The following DDA1 variants were observed in gnomAD, a reference collection of about 807,000 sequenced individuals.
DDA1 encodes the protein DET1- and DDB1-associated protein 1.
Under a neutral mutation model 18.6 loss-of-function variants are expected in DDA1, and 3 were observed. The observed-to-expected ratio is 0.16, with a 90% CI of 0.07 to 0.42. The LOEUF (loss-of-function observed/expected upper bound fraction) is 0.42, where lower values mean the gene tolerates loss of function less well. DDA1 is among the 10% of genes least tolerant of loss of function. The probability of loss-of-function intolerance (pLI) is 0.99; values close to 1 mark genes in which losing one functional copy is unlikely to be tolerated. For synonymous variants in DDA1, 52 were observed against 54.0 expected (o/e 0.96, Z 0.17); for missense variants, 105 against 138.2 (o/e 0.76, Z 1.20).
At chr19:17,309,747 C>CT (rs2074169727) in intron 1 of DDA1, 90 bp downstream of exon 1, 4 of 1,513,454 alleles carry the variant, frequency 2.6e-6, no homozygotes, top group Non-Finnish European at 3.6e-6. Flanking sequence ...CTAGGCCCCT[C>CT]TCCGTTCTGC....
At chr19:17,310,747 T>C (rs2145671185) in intron 1 of DDA1, among the ~76,000 whole-genome samples, 1 of 152,140 alleles carries the variant, frequency 6.6e-6, no homozygotes, top group Non-Finnish European at 1.5e-5. Context: ...CCTTGATACC[T>C]TGGTACAGTC....
chr19:17,311,966 C>T (rs900064394), intron 1 of DDA1, among the ~76,000 whole-genome samples: 3 of 152,120 alleles, frequency 2.0e-5, no homozygotes, highest in South Asian at 2.1e-4. Flanking sequence ...GAAGGCTGCA[C>T]GTACCCTGCC....
intron 1 of DDA1, among the ~76,000 whole-genome samples, chr19:17,313,467 G>C (rs917646099): frequency 5.4e-5 from 7 of 130,762 alleles, no homozygotes; most frequent in Admixed American, 2.6e-4. Flanking sequence ...TTTTGAGACA[G>C]AGTCTGGTTC....
intron 4 of DDA1, 92 bp downstream of exon 4, chr19:17,316,087 A>G: frequency 6.9e-7 from 1 of 1,441,662 alleles, no homozygotes. Context: ...GACTCTAGTG[A>G]TTGGAGCAGG....
chr19:17,317,094 G>A (rs551134545), intron 4 of DDA1, among the ~76,000 whole-genome samples: 22 of 151,608 alleles, frequency 1.5e-4, no homozygotes, highest in African/African-American at 4.4e-4. Context: ...GCATGGTGGC[G>A]CACGCCTGTA....
chr19:17,313,781 C>T (rs1451764899), intron 1 of DDA1, among the ~76,000 whole-genome samples: 1 of 152,116 alleles, frequency 6.6e-6, no homozygotes, highest in African/African-American at 2.4e-5. Flanking sequence ...CTCAATTTCC[C>T]CACCTCTCAC....
intron 4 of DDA1, among the ~76,000 whole-genome samples, chr19:17,317,680 A>C (rs1255861619): frequency 4.6e-5 from 7 of 151,402 alleles, no homozygotes; most frequent in South Asian, 4.2e-4. Context: ...AAAAAAAAAA[A>C]AAAAAAAACA....
chr19:17,318,207 C>T (rs1350527613), intron 4 of DDA1, among the ~76,000 whole-genome samples: 3 of 151,740 alleles, frequency 2.0e-5, no homozygotes, highest in Non-Finnish European at 4.4e-5. Flanking sequence ...CACGCGCCAC[C>T]ATGCCCAGCT....
intron 3 of DDA1, among the ~76,000 whole-genome samples, chr19:17,315,338 T>C (rs1173502995): frequency 1.1e-5 from 1 of 94,456 alleles, no homozygotes; most frequent in East Asian, 2.3e-4. Context: ...TACACACGTA[T>C]ATATATACAC....
At chr19:17,310,689 A>C (rs1390425727) in intron 1 of DDA1, among the ~76,000 whole-genome samples, 5 of 152,142 alleles carry the variant, frequency 3.3e-5, no homozygotes, top group Admixed American at 6.5e-5. Flanking sequence ...CAGGAAGGAA[A>C]TGGGAAGGTG....
At chr19:17,315,792 A>G in intron 3 of DDA1, 142 bp from the exon 4 acceptor site, 1 of 810,222 alleles carries the variant, frequency 1.2e-6, no homozygotes, top group Non-Finnish European at 2.1e-6. Flanking sequence ...GAGTGTGCTC[A>G]GAAGCAAAAA....
In DDA1 at chr19:17,311,296, G is replaced by C. The variant is rs562115590; in HGVS notation, c.3+1639G>C. Among the ~76,000 whole-genome samples the C allele has an allele frequency of 1.4e-4, 22 of 152,044 alleles. No homozygotes were observed. The East Asian group carries it at 4.3e-3, about 29-fold the overall frequency. On this transcript the variant is annotated intron_variant, in intron 1 of 4. Transcript: ENST00000359866. ...TTCTCCTGCCTCAGCCTCCCAAGTA[G>C]GTGGGACCCACCACCATGCCCGGCT...
chr19:17,316,351 G>T (rs1463269913), intron 4 of DDA1, among the ~76,000 whole-genome samples: 2 of 152,222 alleles, frequency 1.3e-5, no homozygotes, highest in African/African-American at 4.8e-5. Flanking sequence ...GGAGGCTGAG[G>T]CGGGCGGATC....
intron 4 of DDA1, among the ~76,000 whole-genome samples, chr19:17,316,248 C>T (rs1174326330): frequency 1.3e-5 from 2 of 152,202 alleles, no homozygotes; most frequent in Non-Finnish European, 2.9e-5. Context: ...TTTTCCATGG[C>T]TCTGGCATTA....
Position 17,322,036 on chromosome 19 carries a change from C to T in DDA1, c.*2380C>T, listed in dbSNP as rs1240164395. On this transcript the variant is annotated 3_prime_UTR_variant, in exon 5 of 5. Transcript: ENST00000359866. Reference sequence around the variant, plus strand: ...TCTGTGAATGACTGAGATGGTGGGACTTCAGCTTCCAAGGCCAGGGGCCAG... The same window carrying T: ...TCTGTGAATGACTGAGATGGTGGGATTTCAGCTTCCAAGGCCAGGGGCCAG... 1 of 152,722 alleles carries T rather than the reference C, an allele frequency of 6.5e-6. No individual in the cohort carries two copies. The highest frequency in any genetic ancestry group is 1.5e-5 in the Non-Finnish European group (1 of 68,448). The allele number at this position is 152,722 out of a possible 1,614,324, so 9.5% of individuals were successfully genotyped here.
At chr19:17,311,241 C>A (rs1256751354) in intron 1 of DDA1, among the ~76,000 whole-genome samples, 1 of 151,728 alleles carries the variant, frequency 6.6e-6, no homozygotes, top group African/African-American at 2.4e-5. Context: ...TCTCGGCTCA[C>A]TGGAACCTCC....
rs1467445002 is a variant in DDA1, at chr19:17,322,489, G to A, written c.*2833G>A. The A allele has an allele frequency of 6.5e-6, 1 of 152,682 alleles. No homozygotes were observed. Among genetic ancestry groups the A allele is most frequent in the Non-Finnish European group, 1.5e-5 (1 of 68,428 alleles). 9.5% of individuals were successfully genotyped at this position (152,682 alleles called of 1,614,324 possible). The stretch of plus-strand genomic sequence containing the variant: ...TGTTCTCCTGCCTCCAGTGAACTCT[G>A]ACTTCTCCACAGCCTCCCAAAGGGC... On this transcript the variant is annotated 3_prime_UTR_variant, in exon 5 of 5. Transcript: ENST00000359866.
chr19:17,311,272 T>C (rs915389626), intron 1 of DDA1, among the ~76,000 whole-genome samples: 1 of 151,636 alleles, frequency 6.6e-6, no homozygotes, highest in African/African-American at 2.4e-5. Flanking sequence ...TTCAAGCCAT[T>C]CTCCTGCCTC....
chr19:17,313,814 G>T (rs985223556), intron 1 of DDA1, among the ~76,000 whole-genome samples: 1 of 152,142 alleles, frequency 6.6e-6, no homozygotes, highest in Non-Finnish European at 1.5e-5. Context: ...CTGTCATGAG[G>T]ATCCCGTGGG....
Sources: gnomAD v4.1 joint callset for allele counts (sites outside exome capture counted in the v4.1 genomes callset) on GRCh38, gnomAD v4.1.1 for gene constraint, MANE v1.5 for transcripts, NCBI Gene and HGNC (gene_info 2026-07-23, HGNC 2026-07-21) for gene names.